The following CCDC32 variants were observed in gnomAD, a reference collection of about 807,000 sequenced individuals.
CCDC32 encodes coiled-coil domain-containing protein 32.
In CCDC32, 9 loss-of-function variants were observed where a neutral mutation model predicts 20.1. That is an observed-to-expected ratio of 0.45 (90% CI 0.27 to 0.78). The LOEUF (loss-of-function observed/expected upper bound fraction) is 0.78, where lower values mean the gene tolerates loss of function less well. Among genes scored for constraint, CCDC32 ranks in the 30% least tolerant of loss-of-function variants. The probability of loss-of-function intolerance (pLI) is 0.16; values close to 1 mark genes in which losing one functional copy is unlikely to be tolerated. For synonymous variants in CCDC32, 63 were observed against 79.0 expected, an observed-to-expected ratio of 0.80 and a Z score of 1.07; for missense variants, 204 against 215.5, an observed-to-expected ratio of 0.95 and a Z score of 0.33.
Position 40,562,934 on chromosome 15 carries a change from T to G in CCDC32, c.82A>C (p.Asn28His), listed in dbSNP as rs1890750758. Reference sequence around the variant, plus strand: ...TTGGCACCATCTTCTTGTTCAGGATTTGGCAGACAGGAACAAATTTCAGCC... The same window carrying G: ...TTGGCACCATCTTCTTGTTCAGGATGTGGCAGACAGGAACAAATTTCAGCC... ...LWAEICSCLPNPEQEDGANNA... is the reference protein window; with the variant it reads ...LWAEICSCLPHPEQEDGANNA... The change falls in exon 2 of 4, where the codon AAT becomes CAT. Residue 28 changes from asparagine (N) to histidine (H), a missense_variant. Asn to His is a moderately conservative substitution (Grantham distance 68). Transcript: ENST00000416810. 1 of 1,614,080 alleles carries G rather than the reference T, an allele frequency of 6.2e-7. No individual in the cohort carries two copies. The highest frequency in any genetic ancestry group is 1.7e-5 in the Admixed American group (1 of 59,998).
chr15:40,559,549 C>T (rs752111629), intron 2 of CCDC32, among the ~76,000 whole-genome samples: 2 of 152,214 alleles, frequency 1.3e-5, no homozygotes, highest in Admixed American at 6.5e-5. Context: ...TGGCTGCAAG[C>T]ATTGCTATCC....
the CCDC32 span, among the ~76,000 whole-genome samples, chr15:40,522,072 A>G: frequency 2.6e-5 from 4 of 152,186 alleles, no homozygotes; most frequent in Non-Finnish European, 5.9e-5. Flanking sequence ...TAAGAAATAT[A>G]TGGTTTCTCC....
At position 40,565,028 on chromosome 15, in the gene CCDC32, A is replaced by C. The variant is rs1595898182; in HGVS notation, c.-65T>G. ...CTCAGCTCTGTCGCCTGTAGCCCGG[A>C]GGAAATCGGGAGGGGCGGAGTCCCC... On this transcript the variant is annotated 5_prime_UTR_variant, in exon 1 of 4. Coordinates refer to ENST00000416810, the MANE Select transcript of CCDC32 (RefSeq NM_001080792.4). 2 of 560,556 alleles carry C rather than the reference A, an allele frequency of 3.6e-6. No homozygotes were observed. Among genetic ancestry groups the C allele is most frequent in the Non-Finnish European group, 6.4e-6 (2 of 313,928 alleles). The allele number at this position is 560,556 out of a possible 1,614,324, so 34.7% of individuals were successfully genotyped here.
At chr15:40,524,739 C>CTTTTTTTTTT (rs758786719), downstream of CCDC32, among the ~76,000 whole-genome samples, 77 of 95,186 alleles carry the variant, frequency 8.1e-4, 1 homozygote, top group African/African-American at 2.3e-3. Flanking sequence ...CTTTTTCTTT[C>CTTTTTTTTTT]TTTTTTTTTT....
intron 2 of CCDC32, among the ~76,000 whole-genome samples, chr15:40,558,839 AC>A (rs1294111775): frequency 2.0e-5 from 3 of 150,854 alleles, no homozygotes; most frequent in African/African-American, 7.3e-5. Context: ...TCGCTCTGTC[AC>A]CCAGGCTGGA....
downstream of CCDC32, chr15:40,534,629 G>T: frequency 2.8e-6 from 1 of 358,282 alleles, no homozygotes. Context: ...AATTCAAGAT[G>T]AGACTTGGAT....
chr15:40,550,408 T>C (rs1185365239), downstream of CCDC32, among the ~76,000 whole-genome samples: 1 of 152,198 alleles, frequency 6.6e-6, no homozygotes, highest in African/African-American at 2.4e-5. Flanking sequence ...GAGATCAGCA[T>C]TTTAGGCCAA....
At chr15:40,543,367 G>T (rs1380177404) in intron 3 of CCDC32, among the ~76,000 whole-genome samples, 1 of 152,056 alleles carries the variant, frequency 6.6e-6, no homozygotes, top group Non-Finnish European at 1.5e-5. Flanking sequence ...ACCAACCAAG[G>T]TATGGCTTCT....
At chr15:40,552,423 G>A (rs1889922249), downstream of CCDC32, among the ~76,000 whole-genome samples, 1 of 149,668 alleles carries the variant, frequency 6.7e-6, no homozygotes, top group South Asian at 2.1e-4. Flanking sequence ...AGAGGTTGCG[G>A]GGAGCCAAGA....
At chr15:40,535,108 C>G, downstream of CCDC32, 1 of 909,856 alleles carries the variant, frequency 1.1e-6, no homozygotes, top group Non-Finnish European at 1.7e-6. Context: ...TCTGTGCAGT[C>G]AGCAGGAGAA....
At chr15:40,543,235 C>T (rs545205995) in intron 3 of CCDC32, among the ~76,000 whole-genome samples, 1 of 152,224 alleles carries the variant, frequency 6.6e-6, no homozygotes, top group Admixed American at 6.5e-5. Flanking sequence ...ATCTAACCTC[C>T]CCAGTGGTCA....
chr15:40,540,669 C>T (rs1357616139), intron 3 of CCDC32, among the ~76,000 whole-genome samples: 2 of 152,070 alleles, frequency 1.3e-5, no homozygotes, highest in Non-Finnish European at 2.9e-5. Flanking sequence ...GCACCCAGCC[C>T]AGCATTTTCT....
downstream of CCDC32, among the ~76,000 whole-genome samples, chr15:40,525,050 A>G (rs1894884059): frequency 6.9e-6 from 1 of 144,004 alleles, no homozygotes; most frequent in African/African-American, 2.6e-5. Flanking sequence ...TTTTTTTTTG[A>G]GATGGAGTCT....
chr15:40,540,370 C>CTT (rs869261368), intron 3 of CCDC32, among the ~76,000 whole-genome samples: 9 of 83,028 alleles, frequency 1.1e-4, no homozygotes, highest in African/African-American at 3.6e-4. Context: ...TTTTCTTTTT[C>CTT]TTTTTTTTTT....
At chr15:40,563,131 G>A (rs933742999) in intron 1 of CCDC32, 104 bp from the exon 2 acceptor site, 5 of 1,369,418 alleles carry the variant, frequency 3.7e-6, no homozygotes, top group Non-Finnish European at 5.0e-6. Flanking sequence ...GGGAAGCCGA[G>A]GCAGTCAGAT....
At chr15:40,552,057 G>A (rs1046531440), downstream of CCDC32, among the ~76,000 whole-genome samples, 1 of 151,910 alleles carries the variant, frequency 6.6e-6, no homozygotes, top group Non-Finnish European at 1.5e-5. Flanking sequence ...CTCAGGGGAA[G>A]CTGAGGCAGA....
chr15:40,524,270 C>T (rs1894870651), downstream of CCDC32, among the ~76,000 whole-genome samples: 1 of 150,418 alleles, frequency 6.6e-6, no homozygotes, highest in African/African-American at 2.4e-5. Flanking sequence ...CATTCTCCTG[C>T]CTCAGCCTCC....
At chr15:40,549,675 A>G (rs1889761784), downstream of CCDC32, among the ~76,000 whole-genome samples, 1 of 152,176 alleles carries the variant, frequency 6.6e-6, no homozygotes. Context: ...CTCAACAAAT[A>G]TTGGTTAGAT....
downstream of CCDC32, among the ~76,000 whole-genome samples, chr15:40,551,336 G>T (rs1244390770): frequency 6.6e-6 from 1 of 151,940 alleles, no homozygotes; most frequent in Admixed American, 6.5e-5. Flanking sequence ...GAGCCAAGAT[G>T]GCGCCACTGC....
Sources: gnomAD v4.1 joint callset for allele counts (sites outside exome capture counted in the v4.1 genomes callset) on GRCh38, gnomAD v4.1.1 for gene constraint, MANE v1.5 for transcripts, NCBI Gene and HGNC (gene_info 2026-07-23, HGNC 2026-07-21) for gene names.